The following CPEB2 variants were observed in gnomAD, a reference collection of about 807,000 sequenced individuals.
CPEB2 encodes cytoplasmic polyadenylation element-binding protein 2.
In CPEB2, 56 loss-of-function variants were observed where a neutral mutation model predicts 93.6. That is an observed-to-expected ratio of 0.60 (90% CI 0.48 to 0.75). CPEB2 has a LOEUF of 0.75. Among genes scored for constraint, CPEB2 ranks in the 30% least tolerant of loss-of-function variants. The pLI, the probability that CPEB2 is intolerant of heterozygous loss-of-function variation, is 0.00. For missense variants in CPEB2, 1,579 were observed against 1,395.1 expected (o/e 1.13, Z -2.10); for synonymous variants, 764 against 586.3 (o/e 1.30, Z -4.38).
At chr4:15,032,859 A>G (rs1237151645) in intron 4 of CPEB2, among the ~76,000 whole-genome samples, 1 of 152,164 alleles carries the variant, frequency 6.6e-6, no homozygotes, top group Non-Finnish European at 1.5e-5. Context: ...CTAGGATATG[A>G]TAGATATATT....
At chr4:15,056,756 C>T (rs1428546928) in intron 8 of CPEB2, among the ~76,000 whole-genome samples, 1 of 152,148 alleles carries the variant, frequency 6.6e-6, no homozygotes, top group Non-Finnish European at 1.5e-5. Context: ...CGTAAGTTTC[C>T]TTTGCAGTGA....
intron 5 of CPEB2, among the ~76,000 whole-genome samples, chr4:15,037,371 A>G (rs1045942015): frequency 2.6e-5 from 4 of 151,908 alleles, no homozygotes; most frequent in African/African-American, 9.7e-5. Flanking sequence ...GCTTTTTCAC[A>G]TTGAAAAAAA....
rs138509932 is a variant in CPEB2, at chr4:15,059,408, C to T, written c.2695+107C>T. The T allele has an allele frequency of 1.4e-3, 875 of 617,306 alleles. 6 individuals are homozygous for T. Among genetic ancestry groups the T allele is most frequent in the African/African-American group, 0.014 (751 of 53,726 alleles). The allele number at this position is 617,306 out of a possible 1,614,324, so 38.2% of individuals were successfully genotyped here. On this transcript the variant is annotated intron_variant, in intron 10 of 11. Coordinates refer to ENST00000538197, the MANE Select transcript of CPEB2 (RefSeq NM_001177382.2). The stretch of plus-strand genomic sequence containing the variant: ...GTGTACATGACACTATTGGACAGAG[C>T]AGGAGCAGATTCTGCATGCACCAAT...
chr4:15,008,879 G>A (rs1207992431), intron 3 of CPEB2, among the ~76,000 whole-genome samples: 1 of 152,042 alleles, frequency 6.6e-6, no homozygotes, highest in Non-Finnish European at 1.5e-5. Context: ...ACTTCTCTTG[G>A]TTCAGTTTTT....
Position 15,004,019 on chromosome 4 carries a change from T to C in CPEB2, c.1346T>C (p.Phe449Ser). 1 of 1,558,772 alleles carries C rather than the reference T, an allele frequency of 6.4e-7. No individual in the cohort carries two copies. Among genetic ancestry groups the C allele is most frequent in the Admixed American group, 1.9e-5 (1 of 53,628 alleles). The stretch of plus-strand genomic sequence containing the variant: ...CCCAGCCCCGACTCAGAGAACGGCT[T>C]CTACCCCGGGCTGCCGTCGTCCATG... ...PPPSPDSENG[F>S]YPGLPSSMNP... is the part of the protein sequence containing the mutation. The change falls in exon 1 of 12, where the codon TTC becomes TCC. Residue 449 changes from phenylalanine to serine, a missense_variant. Transcript: ENST00000538197.
intron 1 of CPEB2, among the ~76,000 whole-genome samples, chr4:15,006,780 C>G (rs1722867538): frequency 6.6e-6 from 1 of 152,164 alleles, no homozygotes; most frequent in African/African-American, 2.4e-5. Flanking sequence ...GTCCTTATTT[C>G]AAAAGGCGAT....
Position 15,007,340 on chromosome 4 carries a change from G to C in CPEB2, c.1698G>C (p.Gln566His). The change falls in exon 2 of 12, where the codon CAG becomes CAC. Residue 566 changes from glutamine (Q) to histidine (H), a missense_variant. By Grantham distance (24) the Gln-to-His change is conservative. Around this residue, in one of 2 missense-constraint regions of CPEB2, gnomAD observed 1,411 missense variants for 1,056.0 expected, o/e 1.34. Coordinates refer to ENST00000538197, the MANE Select transcript of CPEB2 (RefSeq NM_001177382.2). ...LLKQSPWSNHQSSGWGTGSMS... is the reference protein window; with the variant it reads ...LLKQSPWSNHHSSGWGTGSMS... ...AACAGTCTCCCTGGAGCAACCATCA[G>C]AGCAGTGGCTGGGGCACTGGAAGTA... 6.3e-7 allele frequency: 1 copy of C among 1,587,696 alleles called. No homozygotes were observed. Among genetic ancestry groups the C allele is most frequent in the Non-Finnish European group, 8.6e-7 (1 of 1,162,906 alleles).
intron 3 of CPEB2, chr4:15,010,467 CCT>C (rs1723326437): frequency 6.6e-6 from 1 of 152,144 alleles, no homozygotes; most frequent in Non-Finnish European, 1.5e-5. Flanking sequence ...GTCATTGTCT[CCT>C]CTAAGTACCC....
chr4:15,024,876 G>A (rs1484463849), intron 4 of CPEB2, among the ~76,000 whole-genome samples: 1 of 151,546 alleles, frequency 6.6e-6, no homozygotes, highest in East Asian at 1.9e-4. Context: ...CTCCCAAGTA[G>A]CTGGGATTAC....
rs1355884170 is a variant in CPEB2, at chr4:15,003,626, A to G, written c.953A>G (p.Asn318Ser). The change falls in exon 1 of 12, where the codon AAC becomes AGC. Residue 318 changes from asparagine to serine, a missense_variant. This residue lies in a region of CPEB2 where 1,411 missense variants were observed against 1,056.0 expected (regional missense o/e 1.34). Coordinates refer to ENST00000538197, the MANE Select transcript of CPEB2 (RefSeq NM_001177382.2). ...NPAPGSMESP[N>S]HPLLNSPSNL... ...GCGCCGGGCTCCATGGAGTCCCCCA[A>G]CCACCCTCTGCTCAACAGTCCCAGT... 91 of 1,481,148 alleles carry G rather than the reference A, an allele frequency of 6.1e-5. No individual in the cohort carries two copies. Among genetic ancestry groups the G allele is most frequent in the Non-Finnish European group, 7.8e-5 (87 of 1,120,424 alleles). The allele number at this position is 1,481,148 out of a possible 1,614,324, so 91.8% of individuals were successfully genotyped here. A position where few individuals can be genotyped will look rare whatever the true frequency, so the allele number is the denominator to read the frequency against.
chr4:15,031,827 T>C (rs1389874201), intron 4 of CPEB2, among the ~76,000 whole-genome samples: 1 of 152,172 alleles, frequency 6.6e-6, no homozygotes, highest in African/African-American at 2.4e-5. Context: ...ATGATCAAAC[T>C]CTTTAATTTC....
intron 4 of CPEB2, among the ~76,000 whole-genome samples, chr4:15,031,537 A>G (rs1726094162): frequency 6.6e-6 from 1 of 152,150 alleles, no homozygotes; most frequent in African/African-American, 2.4e-5. Context: ...ATTTACTTGT[A>G]TGTTTTAGAG....
chr4:15,017,759 A>G (rs1313957554), intron 4 of CPEB2: 1 of 151,768 alleles, frequency 6.6e-6, no homozygotes, highest in Non-Finnish European at 1.5e-5. Flanking sequence ...ATAGCTTTTC[A>G]TAGAAGTTGA....
At chr4:15,016,675 C>T (rs1010515031) in intron 3 of CPEB2, among the ~76,000 whole-genome samples, 2 of 151,750 alleles carry the variant, frequency 1.3e-5, no homozygotes, top group African/African-American at 2.4e-5. Flanking sequence ...TGATTTTTAC[C>T]GTATAAGATG....
At chr4:15,053,016 T>C (rs1560249355) in intron 7 of CPEB2, among the ~76,000 whole-genome samples, 1 of 144,878 alleles carries the variant, frequency 6.9e-6, no homozygotes, top group Non-Finnish European at 1.5e-5. Flanking sequence ...TTTTTATTTA[T>C]TTATTTATTT....
At chr4:15,007,713 A>G (rs1188034508) in intron 2 of CPEB2, 127 bp downstream of exon 2, 4 of 532,972 alleles carry the variant, frequency 7.5e-6, no homozygotes, top group Admixed American at 4.0e-5. Flanking sequence ...TTAAGCATGT[A>G]ATTTAATTAA....
intron 3 of CPEB2, 66 bp from the exon 4 acceptor site, chr4:15,017,122 T>C: frequency 1.2e-6 from 1 of 821,102 alleles, no homozygotes; most frequent in Non-Finnish European, 2.1e-6. Flanking sequence ...ATTTAGATAG[T>C]GTTTTATAAT....
At chr4:15,048,592 C>T (rs1032216965) in intron 6 of CPEB2, among the ~76,000 whole-genome samples, 2 of 151,882 alleles carry the variant, frequency 1.3e-5, no homozygotes, top group African/African-American at 4.8e-5. Flanking sequence ...TTTCCTTCAT[C>T]GTACTTTCTT....
rs1011790994 is a variant in CPEB2, at chr4:15,002,927, C to T, written c.254C>T (p.Pro85Leu). The change falls in exon 1 of 12, where the codon CCG (proline) becomes CTG (leucine). Residue 85 changes from proline to leucine, a missense_variant. Transcript: ENST00000538197. The stretch of plus-strand genomic sequence containing the variant: ...GCCGCCGCCGCTTCCTCTTCCTCCC[C>T]GTTCCTGGCGCATCAGCAGACCATG... ...SPAAAASSSS[P>L]FLAHQQTMQD... 1.3e-6 allele frequency: 2 copies of T among 1,516,016 alleles called. No individual in the cohort carries two copies. Among genetic ancestry groups the T allele is most frequent in the Non-Finnish European group, 1.8e-6 (2 of 1,141,716 alleles). The allele number at this position is 1,516,016 out of a possible 1,614,324, so 93.9% of individuals were successfully genotyped here.
Sources: gnomAD v4.1 joint callset for allele counts (sites outside exome capture counted in the v4.1 genomes callset) on GRCh38, gnomAD v4.1.1 for gene constraint, gnomAD v4.1.1 regional missense constraint, MANE v1.5 for transcripts, NCBI Gene and HGNC (gene_info 2026-07-23, HGNC 2026-07-21) for gene names.